NOD2: variants seen among roughly 807,000 people sequenced by gnomAD.
The protein encoded by NOD2 is nucleotide-binding oligomerization domain-containing protein 2.
Under a neutral mutation model 90.9 loss-of-function variants are expected in NOD2, and 86 were observed. The observed-to-expected ratio is 0.95, with a 90% CI of 0.79 to 1.13. The LOEUF (loss-of-function observed/expected upper bound fraction) is 1.13, where lower values mean the gene tolerates loss of function less well. NOD2 is among the 50% of genes most tolerant of loss of function. The pLI, the probability that NOD2 is intolerant of heterozygous loss-of-function variation, is 0.00. For missense variants in NOD2, 1,238 were observed against 1,283.8 expected, an observed-to-expected ratio of 0.96 and a Z score of 0.55; for synonymous variants, 581 against 554.6, an observed-to-expected ratio of 1.05 and a Z score of -0.67.
At chr16:50,714,602 CTGTGTGTGTGTGTG>C (rs67559630) in intron 4 of NOD2, among the ~76,000 whole-genome samples, 14 of 136,014 alleles carry the variant, frequency 1.0e-4, no homozygotes, top group East Asian at 4.3e-4. Flanking sequence ...TGTGAGTGCA[CTGTGTGTGTGTGTG>C]TGTGTGTGTG....
Position 50,722,659 on chromosome 16 carries a change from G to A in NOD2, c.2671G>A (p.Ala891Thr), listed in dbSNP as rs769395722. ...CAGAGTGGGTGACGAGGGGGCCCAG[G>A]CCCTGGCTGAAGCCTTGGGTGATCA... ...GNRVGDEGAQ[A>T]LAEALGDHQS... The change falls in exon 8 of 12, where the codon GCC (alanine) becomes ACC (threonine). Residue 891 changes from alanine to threonine, a missense_variant. Physicochemically the swap from Ala to Thr is moderately conservative, Grantham distance 58. Around this residue, in one of 3 missense-constraint regions of NOD2, gnomAD observed 667 missense variants for 688.7 expected, o/e 0.97. Coordinates refer to ENST00000647318, the MANE Select transcript of NOD2 (RefSeq NM_001370466.1). The A allele has an allele frequency of 3.7e-6, 6 of 1,614,112 alleles. No homozygotes were observed. In the African/African-American group the frequency reaches 5.3e-5, roughly 14 times the overall value.
chr16:50,712,667 C>G (rs1964595216), intron 4 of NOD2: 3 of 469,910 alleles, frequency 6.4e-6, no homozygotes, highest in Non-Finnish European at 1.2e-5. Context: ...TCTCCATTAT[C>G]CTTGACTTGA....
chr16:50,723,210 G>T (rs141926253), intron 8 of NOD2, 91 bp from the exon 9 acceptor site: 1 of 961,056 alleles, frequency 1.0e-6, no homozygotes, highest in Non-Finnish European at 1.7e-6. Flanking sequence ...AGCAGACCAG[G>T]AGAGCACCAC....
At position 50,699,974 on chromosome 16, in the gene NOD2, C is replaced by T; in HGVS notation, c.459+20C>T. The T allele has an allele frequency of 6.3e-7, 1 of 1,594,158 alleles. No homozygotes were observed. Among genetic ancestry groups the T allele is most frequent in the South Asian group, 1.1e-5 (1 of 90,872 alleles). On this transcript the variant is annotated intron_variant, in intron 2 of 11. Transcript: ENST00000647318. ...CAGAGGGTGAGGCACTCCTGGTGTG[C>T]ATCACAGAGTTCTCAGGAAAGGGGT...
In NOD2 at chr16:50,719,982, A is replaced by G. The variant is rs1304095365; in HGVS notation, c.2607A>G (p.Arg869=). 1 of 1,614,186 alleles carries G rather than the reference A, an allele frequency of 6.2e-7. No homozygotes were observed. The highest frequency in any genetic ancestry group is 1.1e-5 in the South Asian group (1 of 91,088). Residue 869 remains arginine, a synonymous_variant, in exon 7 of 12, where the codon CGA becomes CGG. Transcript: ENST00000647318. ...CCCAAGTGCTGGCCGAGGGGCTCCG[A>G]GGCAACACCTCCTTGCAGTTCCTGG... ...AGAQVLAEGL[R]GNTSLQFLGF...
intron 11 of NOD2, among the ~76,000 whole-genome samples, chr16:50,730,349 T>A (rs944749140): frequency 1.3e-5 from 2 of 152,208 alleles, no homozygotes; most frequent in African/African-American, 2.4e-5. Context: ...CTTTCATGTA[T>A]TGAAAAAAGC....
chr16:50,716,837 C>T, intron 5 of NOD2, 54 bp from the exon 6 acceptor site: 19 of 1,567,908 alleles, frequency 1.2e-5, no homozygotes, highest in Non-Finnish European at 1.7e-5. Flanking sequence ...GGATTTGGTG[C>T]TCACTGTCCA....
intron 3 of NOD2, among the ~76,000 whole-genome samples, chr16:50,708,518 G>A (rs957064304): frequency 6.6e-6 from 1 of 152,194 alleles, no homozygotes; most frequent in African/African-American, 2.4e-5. Flanking sequence ...AGTAGGTGGT[G>A]TTTTTTTCCA....
chr16:50,726,777 T>C (rs115688894), intron 10 of NOD2, among the ~76,000 whole-genome samples: 1,621 of 152,348 alleles, frequency 0.011, 32 homozygotes, highest in African/African-American at 0.037. Flanking sequence ...ACTTCTGATA[T>C]ATCTTTTATA....
rs369391225 is a variant in NOD2 at position 50,717,530 on chromosome 16, CCTT to C, written c.2549+559_2549+561del. 4.7e-4 allele frequency among the ~76,000 whole-genome samples: 72 copies of C among 152,330 alleles called. 1 individual carries two copies. Among genetic ancestry groups the C allele is most frequent in the Admixed American group, 1.3e-3 (20 of 15,300 alleles). ...CGCTGGGTTGGCCTGGCTTCTCTCTCCTTCTCTCTCTCTCAGATATTCTTGCCT... is the reference window on the plus strand; with the variant it reads ...CGCTGGGTTGGCCTGGCTTCTCTCTCCTCTCTCTCTCAGATATTCTTGCCT... On this transcript the variant is annotated intron_variant, in intron 6 of 11. Transcript: ENST00000647318.
chr16:50,713,195 G>C (rs1324972104), intron 4 of NOD2: 1 of 152,368 alleles, frequency 6.6e-6, no homozygotes, highest in Non-Finnish European at 1.5e-5. Flanking sequence ...GGATTGCCCT[G>C]CTTCTATTTA....
intron 2 of NOD2, among the ~76,000 whole-genome samples, chr16:50,701,242 C>T (rs935673729): frequency 1.6e-4 from 25 of 152,172 alleles, no homozygotes; most frequent in East Asian, 3.8e-4. Flanking sequence ...GCTTTGCACA[C>T]GGTAGGTACT....
In NOD2 at chr16:50,697,116, A is replaced by G. The variant is rs1963683481; in HGVS notation, c.-8-2372A>G. 3 of 864,784 alleles carry G rather than the reference A, an allele frequency of 3.5e-6. No individual in the cohort carries two copies. The Admixed American group carries it at 6.0e-5, about 17-fold the overall frequency. The allele number at this position is 864,784 out of a possible 1,614,324, so 53.6% of individuals were successfully genotyped here. ...TCTGGCCTCCGGCTTTTCCTTTGGG[A>G]ATTTCCCTTGAAGGTGGGGTTGGTA... On this transcript the variant is annotated intron_variant, in intron 1 of 11. Coordinates refer to ENST00000647318, the MANE Select transcript of NOD2 (RefSeq NM_001370466.1).
At chr16:50,723,419 G>C (rs945127269) in intron 9 of NOD2, 35 bp downstream of exon 9, 2 of 1,586,352 alleles carry the variant, frequency 1.3e-6, no homozygotes, top group Admixed American at 1.7e-5. Context: ...TGGGGAAGTG[G>C]ATCACAATCT....
rs1269965205 is a variant in NOD2, at chr16:50,704,228, C to T, written c.460-3627C>T. On this transcript the variant is annotated intron_variant, in intron 2 of 11. Transcript: ENST00000647318. ...CTGGTGGCCATCTACTTATAGTATACAGCCATCAACCTGAGATTTCCCTAC... is the reference window on the plus strand; with the variant it reads ...CTGGTGGCCATCTACTTATAGTATATAGCCATCAACCTGAGATTTCCCTAC... Among the ~76,000 whole-genome samples, 5 of 152,314 alleles carry T rather than the reference C, an allele frequency of 3.3e-5. No homozygotes were observed. In the East Asian group the frequency reaches 9.6e-4, roughly 29 times the overall value.
intron 2 of NOD2, among the ~76,000 whole-genome samples, chr16:50,707,275 C>A (rs11642646): frequency 0.33 from 50,142 of 152,010 alleles, 8,996 homozygotes; most frequent in Non-Finnish European, 0.4. Context: ...TCCAAGACTT[C>A]GGGGCAGAGC....
At chr16:50,712,646 G>T in intron 4 of NOD2, 1 of 529,316 alleles carries the variant, frequency 1.9e-6, no homozygotes, top group Non-Finnish European at 3.4e-6. Flanking sequence ...GGGTAGGCAG[G>T]AATGTTATTA....
intron 11 of NOD2, 117 bp downstream of exon 11, chr16:50,730,018 T>C (rs1567407790): frequency 4.1e-6 from 3 of 723,390 alleles, no homozygotes; most frequent in Admixed American, 2.0e-5. Context: ...GATTCTGACA[T>C]TCAGTGAGAA....
intron 2 of NOD2, among the ~76,000 whole-genome samples, chr16:50,705,985 G>A (rs1269176690): frequency 6.6e-6 from 1 of 152,200 alleles, no homozygotes; most frequent in Non-Finnish European, 1.5e-5. Context: ...TAGAAAGTAA[G>A]TAAAGTGGGT....
Sources: allele counts gnomAD v4.1 joint callset (sites outside exome capture counted in the v4.1 genomes callset), GRCh38; gene constraint gnomAD v4.1.1; regional missense constraint gnomAD v4.1.1; transcripts MANE v1.5; gene names NCBI Gene and HGNC (gene_info 2026-07-23, HGNC 2026-07-21).